The following MAST4 variants were observed in gnomAD, a reference collection of about 807,000 sequenced individuals.
MAST4 encodes the protein microtubule-associated serine/threonine-protein kinase 4.
In MAST4, 89 loss-of-function variants were observed where a neutral mutation model predicts 162.7. That is an observed-to-expected ratio of 0.55 (90% CI 0.46 to 0.65). MAST4 has a LOEUF of 0.65. Ranked by LOEUF, MAST4 falls within the 30% of genes least tolerant of loss-of-function variation. The pLI is 0.00. For synonymous variants in MAST4, 1,479 were observed against 1,361.1 expected (o/e 1.09, Z -1.91); for missense variants, 3,153 against 3,374.0 (o/e 0.93, Z 1.62).
At chr5:66,878,233 G>A (rs1355975671) in intron 3 of MAST4, among the ~76,000 whole-genome samples, 1 of 152,218 alleles carries the variant, frequency 6.6e-6, no homozygotes, top group Non-Finnish European at 1.5e-5. Context: ...TGGGACAACT[G>A]TCTTAGATGT....
chr5:66,722,238 T>A (rs73765324), intron 1 of MAST4, among the ~76,000 whole-genome samples: 7,346 of 152,216 alleles, frequency 0.048, 546 homozygotes, highest in South Asian at 0.14. Context: ...TTGTCCCTCA[T>A]TCCGCTCCAG....
chr5:66,825,854 G>C (rs950227924), intron 3 of MAST4, among the ~76,000 whole-genome samples: 3 of 152,018 alleles, frequency 2.0e-5, no homozygotes, highest in Admixed American at 6.5e-5. Context: ...ACATGTAAAA[G>C]CAATACATAT....
intron 1 of MAST4, among the ~76,000 whole-genome samples, chr5:66,759,035 G>A (rs1753709085): frequency 6.6e-6 from 1 of 152,254 alleles, no homozygotes. Flanking sequence ...GTGACACAAG[G>A]GATTCTTTTG....
At chr5:66,988,741 C>T (rs71626483) in intron 4 of MAST4, among the ~76,000 whole-genome samples, 1 of 151,990 alleles carries the variant, frequency 6.6e-6, no homozygotes, top group Non-Finnish European at 1.5e-5. Context: ...TTCTCAAGCA[C>T]GAAGAGACAT....
chr5:66,663,291 T>C (rs1228020697), intron 1 of MAST4, among the ~76,000 whole-genome samples: 1 of 152,224 alleles, frequency 6.6e-6, no homozygotes, highest in Non-Finnish European at 1.5e-5. Flanking sequence ...TACATTTATT[T>C]TTTAGGAGTG....
intron 1 of MAST4, among the ~76,000 whole-genome samples, chr5:66,660,935 C>T (rs1746867261): frequency 6.6e-6 from 1 of 152,146 alleles, no homozygotes; most frequent in Admixed American, 6.5e-5. Flanking sequence ...CTCTTAGCAC[C>T]AGACTATTGC....
chr5:67,150,648 C>A (rs1409522481), intron 24 of MAST4, among the ~76,000 whole-genome samples: 1 of 152,108 alleles, frequency 6.6e-6, no homozygotes, highest in African/African-American at 2.4e-5. Flanking sequence ...TTTGGTAGAA[C>A]AAGGAAATTA....
At chr5:67,083,356 C>A (rs531371710) in intron 5 of MAST4, among the ~76,000 whole-genome samples, 4 of 151,944 alleles carry the variant, frequency 2.6e-5, no homozygotes, top group African/African-American at 9.7e-5. Context: ...TTAAATGGGG[C>A]CACATTAAAT....
At chr5:66,917,021 ATG>A (rs1427618814) in intron 4 of MAST4, 2 of 717,962 alleles carry the variant, frequency 2.8e-6, no homozygotes, top group Non-Finnish European at 5.2e-6. Flanking sequence ...GTCAAACGGT[ATG>A]TGTATTTCTA....
chr5:66,708,348 A>G (rs1016680526), intron 1 of MAST4, among the ~76,000 whole-genome samples: 10 of 152,194 alleles, frequency 6.6e-5, no homozygotes, highest in Non-Finnish European at 1.5e-4. Flanking sequence ...CACTGGAAGT[A>G]TAAGCATTAC....
At chr5:66,969,654 C>T (rs542807545) in intron 4 of MAST4, among the ~76,000 whole-genome samples, 1 of 152,222 alleles carries the variant, frequency 6.6e-6, no homozygotes, top group East Asian at 1.9e-4. Context: ...TGCCTGAATC[C>T]CCCTCACTTC....
intron 3 of MAST4, among the ~76,000 whole-genome samples, chr5:66,861,745 T>C (rs893629173): frequency 3.9e-5 from 6 of 152,242 alleles, no homozygotes; most frequent in Non-Finnish European, 8.8e-5. Flanking sequence ...AGTTCATGTC[T>C]TCTGAGCCTC....
rs776693658 is a variant in MAST4, at chr5:67,165,717, C to T, written c.6538C>T (p.Pro2180Ser). The T allele has an allele frequency of 6.3e-7, 1 of 1,576,640 alleles. No homozygotes were observed. Among genetic ancestry groups the T allele is most frequent in the Admixed American group, 1.9e-5 (1 of 53,478 alleles). The change falls in exon 29 of 29, where the codon CCC (proline) becomes TCC (serine). Residue 2180 changes from proline (P) to serine (S), a missense_variant. Pro to Ser is a moderately conservative substitution (Grantham distance 74). This residue lies in a region of MAST4 where 1,644 missense variants were observed against 1,495.0 expected (regional missense o/e 1.10). Coordinates refer to ENST00000403625, the MANE Select transcript of MAST4 (RefSeq NM_001164664.2). ...AEPSSSPQDP[P>S]KPVAAHSESS... The stretch of plus-strand genomic sequence containing the variant: ...GCCCAGCTCGAGCCCCCAGGACCCT[C>T]CCAAGCCTGTTGCTGCGCACAGTGA...
chr5:66,685,734 C>G (rs1187187761), intron 1 of MAST4, among the ~76,000 whole-genome samples: 1 of 152,076 alleles, frequency 6.6e-6, no homozygotes, highest in Non-Finnish European at 1.5e-5. Context: ...GTGCTTTCTA[C>G]TAAAGTTTGC....
chr5:66,644,556 C>T (rs1351749198), intron 1 of MAST4, among the ~76,000 whole-genome samples: 3 of 152,090 alleles, frequency 2.0e-5, no homozygotes, highest in Non-Finnish European at 4.4e-5. Context: ...TATTATTGTT[C>T]CAGAACGGTA....
At chr5:66,607,906 C>T (rs1361245807) in intron 1 of MAST4, among the ~76,000 whole-genome samples, 1 of 152,068 alleles carries the variant, frequency 6.6e-6, no homozygotes, top group Non-Finnish European at 1.5e-5. Context: ...TCAATAGGCA[C>T]CTATTCTTCC....
At chr5:66,920,079 T>C (rs1424066417) in intron 4 of MAST4, among the ~76,000 whole-genome samples, 1 of 150,340 alleles carries the variant, frequency 6.7e-6, no homozygotes, top group Non-Finnish European at 1.5e-5. Context: ...TGCTGGCTAG[T>C]AGTGAAAATT....
At chr5:66,885,269 A>G (rs760590513) in intron 3 of MAST4, among the ~76,000 whole-genome samples, 33 of 152,226 alleles carry the variant, frequency 2.2e-4, no homozygotes, top group Non-Finnish European at 1.0e-4. Context: ...TTTCTCACAC[A>G]GCATGTTAGA....
chr5:67,058,055 T>G (rs1759078511), intron 5 of MAST4, among the ~76,000 whole-genome samples: 1 of 151,954 alleles, frequency 6.6e-6, no homozygotes, highest in Non-Finnish European at 1.5e-5. Flanking sequence ...GATGACATAG[T>G]GAGACCTCAT....
Sources: allele counts gnomAD v4.1 joint callset (sites outside exome capture counted in the v4.1 genomes callset), GRCh38; gene constraint gnomAD v4.1.1; regional missense constraint gnomAD v4.1.1; transcripts MANE v1.5; gene names NCBI Gene and HGNC (gene_info 2026-07-23, HGNC 2026-07-21).